Variants in SCP2 observed in about 807,000 individuals in gnomAD.
The protein encoded by SCP2 is sterol carrier protein 2, also known as SCP-2/3-oxoacyl-CoA thiolase.
A neutral mutation model predicts 71.4 loss-of-function variants in SCP2; 48 were observed. The ratio of observed to expected loss-of-function variants is 0.67; its 90% CI spans 0.53 to 0.86. The LOEUF is 0.86. Among genes scored for constraint, SCP2 ranks in the 40% least tolerant of loss-of-function variants. The pLI, the probability that SCP2 is intolerant of heterozygous loss-of-function variation, is 0.00. For missense variants in SCP2, 560 were observed against 655.6 expected (o/e 0.85, Z 1.59); for synonymous variants, 220 against 218.1 (o/e 1.01, Z -0.08).
chr1:53,005,014 C>T (rs1202802211), intron 11 of SCP2, among the ~76,000 whole-genome samples: 1 of 152,196 alleles, frequency 6.6e-6, no homozygotes, highest in Non-Finnish European at 1.5e-5. Flanking sequence ...ACCCATGGAG[C>T]CTCGCTTGCT....
At chr1:52,974,949 AT>A (rs1457894893) in intron 7 of SCP2, 117 bp downstream of exon 7, 2 of 695,360 alleles carry the variant, frequency 2.9e-6, no homozygotes, top group Non-Finnish European at 5.3e-6. Flanking sequence ...AGAATGTTTT[AT>A]TTTTTTCTTA....
intron 11 of SCP2, chr1:52,994,334 G>A: frequency 1.0e-6 from 1 of 953,558 alleles, no homozygotes; most frequent in Non-Finnish European, 1.3e-6. Flanking sequence ...TTCATTAGGA[G>A]ATGAATATGA....
At chr1:53,007,209 T>C (rs1430848841) in intron 11 of SCP2, among the ~76,000 whole-genome samples, 2 of 151,688 alleles carry the variant, frequency 1.3e-5, no homozygotes, top group African/African-American at 4.8e-5. Context: ...ACTGTCAACA[T>C]TAGATCAACG....
intron 1 of SCP2, among the ~76,000 whole-genome samples, chr1:52,930,677 A>G (rs1653069736): frequency 6.6e-6 from 1 of 152,216 alleles, no homozygotes; most frequent in Non-Finnish European, 1.5e-5. Flanking sequence ...TCATAATCTA[A>G]TAAGTTCAAA....
intron 5 of SCP2, among the ~76,000 whole-genome samples, chr1:52,956,622 G>A (rs1655816987): frequency 6.6e-6 from 1 of 152,142 alleles, no homozygotes; most frequent in African/African-American, 2.4e-5. Flanking sequence ...AGCATCATGA[G>A]CCTAGTCATG....
Position 53,050,945 on chromosome 1 carries a change from T to G in SCP2, c.*241T>G, listed in dbSNP as rs1664163266. ...CATTACAAAGTTAATATGGTAATTA[T>G]GGTCTGGGGTAAAATTGAGTTTCAG... On this transcript the variant is annotated 3_prime_UTR_variant, in exon 16 of 16. Coordinates refer to ENST00000371514, the MANE Select transcript of SCP2 (RefSeq NM_002979.5). The G allele has an allele frequency of 2.9e-6, 1 of 340,142 alleles. No homozygotes were observed. Among genetic ancestry groups the G allele is most frequent in the Non-Finnish European group, 5.4e-6 (1 of 184,330 alleles). 21.1% of individuals were successfully genotyped at this position (340,142 alleles called of 1,614,324 possible). A position where few individuals can be genotyped will look rare whatever the true frequency, so the allele number is the denominator to read the frequency against.
intron 13 of SCP2, among the ~76,000 whole-genome samples, chr1:53,034,579 A>G (rs1225445260): frequency 6.6e-6 from 1 of 152,120 alleles, no homozygotes. Context: ...TGAATTGAAT[A>G]TTTTAAAAGA....
At chr1:52,963,076 A>C (rs1656623029) in intron 6 of SCP2, among the ~76,000 whole-genome samples, 1 of 151,684 alleles carries the variant, frequency 6.6e-6, no homozygotes, top group Non-Finnish European at 1.5e-5. Flanking sequence ...TGCCTGGCAC[A>C]AATCAGTGTT....
chr1:52,993,365 A>C, intron 11 of SCP2: 1 of 1,614,142 alleles, frequency 6.2e-7, no homozygotes, highest in Non-Finnish European at 8.5e-7. Flanking sequence ...TGTTACCTTA[A>C]GTTGCCGTGC....
chr1:52,941,692 G>A (rs1454007520), intron 1 of SCP2, 104 bp from the exon 2 acceptor site: 3 of 669,900 alleles, frequency 4.5e-6, no homozygotes, highest in East Asian at 3.3e-5. Flanking sequence ...CCGAGATCAT[G>A]CCACTGCACT....
intron 1 of SCP2, among the ~76,000 whole-genome samples, chr1:52,929,384 C>T (rs1001369672): frequency 3.3e-5 from 5 of 151,874 alleles, no homozygotes; most frequent in African/African-American, 1.2e-4. Flanking sequence ...GACAGGGTCT[C>T]ACTACTTACT....
At chr1:52,928,093 C>T (rs1557535254) in intron 1 of SCP2, among the ~76,000 whole-genome samples, 1 of 152,240 alleles carries the variant, frequency 6.6e-6, no homozygotes, top group East Asian at 1.9e-4. Flanking sequence ...GTATCTTCAC[C>T]TGTTAACTTT....
intron 11 of SCP2, among the ~76,000 whole-genome samples, chr1:52,989,797 G>T (rs1271090782): frequency 6.6e-6 from 1 of 152,180 alleles, no homozygotes; most frequent in Non-Finnish European, 1.5e-5. Flanking sequence ...GGAAAAGTTG[G>T]GGAGTAGGAT....
intron 11 of SCP2, chr1:52,995,639 C>T: frequency 3.1e-6 from 2 of 638,450 alleles, no homozygotes; most frequent in Non-Finnish European, 3.0e-6. Flanking sequence ...TTATATCTCA[C>T]CGTGGCTGCT....
At chr1:52,959,914 CAG>C (rs1656183499) in intron 5 of SCP2, among the ~76,000 whole-genome samples, 1 of 147,136 alleles carries the variant, frequency 6.8e-6, no homozygotes, top group Non-Finnish European at 1.5e-5. Flanking sequence ...TTTTTTGAGA[CAG>C]AGTCTCACTC....
At chr1:53,001,162 G>A (rs774313506) in intron 11 of SCP2, among the ~76,000 whole-genome samples, 66 of 151,974 alleles carry the variant, frequency 4.3e-4, no homozygotes, top group Admixed American at 8.5e-4. Context: ...CTCAGGAAGT[G>A]TATAAGAGGC....
intron 12 of SCP2, among the ~76,000 whole-genome samples, chr1:53,024,941 A>T (rs899852743): frequency 2.6e-5 from 4 of 152,006 alleles, no homozygotes; most frequent in Non-Finnish European, 5.9e-5. Context: ...CACCAAAAAA[A>T]TCCCACAACT....
intron 1 of SCP2, among the ~76,000 whole-genome samples, chr1:52,936,347 A>G (rs1653739359): frequency 6.6e-6 from 1 of 152,254 alleles, no homozygotes; most frequent in Non-Finnish European, 1.5e-5. Context: ...TCCTGAGACT[A>G]AGAAGTTTGA....
chr1:52,960,339 C>T (rs553338000), intron 5 of SCP2, among the ~76,000 whole-genome samples: 1 of 151,812 alleles, frequency 6.6e-6, no homozygotes, highest in African/African-American at 2.4e-5. Flanking sequence ...TAGCCACGCC[C>T]AGCTAATTTT....
Sources: gnomAD v4.1 joint callset for allele counts (sites outside exome capture counted in the v4.1 genomes callset) on GRCh38, gnomAD v4.1.1 for gene constraint, MANE v1.5 for transcripts, NCBI Gene and HGNC (gene_info 2026-07-23, HGNC 2026-07-21) for gene names.